Variants in DSCAM observed in about 807,000 individuals in gnomAD.
DSCAM encodes the protein cell adhesion molecule DSCAM.
In DSCAM, 47 loss-of-function variants were observed where a neutral mutation model predicts 217.7. That is an observed-to-expected ratio of 0.22 (90% CI 0.17 to 0.28). The LOEUF (loss-of-function observed/expected upper bound fraction) is 0.28. Among genes scored for constraint, DSCAM ranks in the 10% least tolerant of loss-of-function variants. DSCAM has a pLI of 1.00. For synonymous variants in DSCAM, 1,056 were observed against 1,015.3 expected, an observed-to-expected ratio of 1.04 and a Z score of -0.76; for missense variants, 2,080 against 2,618.3, an observed-to-expected ratio of 0.79 and a Z score of 4.49.
intron 18 of DSCAM, among the ~76,000 whole-genome samples, chr21:40,139,810 G>T (rs1568962349): frequency 7.3e-5 from 11 of 150,208 alleles, no homozygotes. Context: ...GTGTATGTGT[G>T]GTGTGTGTGT....
chr21:40,550,047 G>T (rs943987416), intron 3 of DSCAM, among the ~76,000 whole-genome samples: 1 of 152,118 alleles, frequency 6.6e-6, no homozygotes, highest in African/African-American at 2.4e-5. Flanking sequence ...CAAATGAAAA[G>T]AACCCTACCA....
chr21:40,803,985 G>T (rs768224513), intron 1 of DSCAM, among the ~76,000 whole-genome samples: 100 of 152,192 alleles, frequency 6.6e-4, no homozygotes, highest in Admixed American at 1.2e-3. Context: ...TTACTCTCAG[G>T]ACCCAGTCTT....
intron 1 of DSCAM, among the ~76,000 whole-genome samples, chr21:40,766,380 T>C (rs893058865): frequency 2.0e-5 from 3 of 152,182 alleles, no homozygotes; most frequent in African/African-American, 7.2e-5. Flanking sequence ...CTTAACAGGA[T>C]AGCTGATATA....
chr21:40,551,154 A>C (rs1355057148), intron 3 of DSCAM, among the ~76,000 whole-genome samples: 1 of 152,214 alleles, frequency 6.6e-6, no homozygotes, highest in African/African-American at 2.4e-5. Context: ...TCCTGAGTAC[A>C]TGAGCTGCAG....
At chr21:40,366,143 C>A (rs536031220) in intron 4 of DSCAM, among the ~76,000 whole-genome samples, 1 of 152,082 alleles carries the variant, frequency 6.6e-6, no homozygotes, top group South Asian at 2.1e-4. Context: ...TCCATTTTTC[C>A]AGGTAGGGTT....
intron 3 of DSCAM, among the ~76,000 whole-genome samples, chr21:40,589,909 T>C (rs573327187): frequency 2.6e-5 from 4 of 152,310 alleles, no homozygotes; most frequent in East Asian, 1.9e-4. Flanking sequence ...ACTGGCTCAC[T>C]TTTTTTAATC....
intron 11 of DSCAM, among the ~76,000 whole-genome samples, chr21:40,227,105 T>G (rs1240153033): frequency 6.6e-6 from 1 of 152,202 alleles, no homozygotes; most frequent in Non-Finnish European, 1.5e-5. Context: ...CTGCATAGTA[T>G]TTCATGATAT....
intron 3 of DSCAM, among the ~76,000 whole-genome samples, chr21:40,395,401 TG>T (rs1411156072): frequency 6.6e-6 from 1 of 151,944 alleles, no homozygotes; most frequent in Non-Finnish European, 1.5e-5. Context: ...AAATGACGCA[TG>T]TTTTTTTTCC....
intron 20 of DSCAM, among the ~76,000 whole-genome samples, chr21:40,119,708 A>G (rs2090010379): frequency 6.6e-6 from 1 of 151,862 alleles, no homozygotes; most frequent in East Asian, 1.9e-4. Flanking sequence ...TTTTAAAAGC[A>G]AATTGCTATC....
intron 1 of DSCAM, among the ~76,000 whole-genome samples, chr21:40,845,314 GT>G (rs1459982632): frequency 6.6e-6 from 1 of 151,958 alleles, no homozygotes; most frequent in Non-Finnish European, 1.5e-5. Flanking sequence ...CTTAGTCACC[GT>G]TTTTTTAAAA....
At chr21:40,580,802 A>G (rs948164202) in intron 3 of DSCAM, among the ~76,000 whole-genome samples, 3 of 152,198 alleles carry the variant, frequency 2.0e-5, no homozygotes, top group Non-Finnish European at 4.4e-5. Flanking sequence ...CTACATGACT[A>G]ACTAAAGAAA....
chr21:40,269,769 T>C (rs1477280896), intron 11 of DSCAM, among the ~76,000 whole-genome samples: 3 of 152,178 alleles, frequency 2.0e-5, no homozygotes, highest in Non-Finnish European at 4.4e-5. Flanking sequence ...GCACCCAGAT[T>C]GTCCCCTTTT....
chr21:40,366,683 A>G (rs2123691886), intron 4 of DSCAM, among the ~76,000 whole-genome samples: 1 of 152,206 alleles, frequency 6.6e-6, no homozygotes, highest in Non-Finnish European at 1.5e-5. Flanking sequence ...TCATTTTACA[A>G]TAAGATAGAG....
intron 3 of DSCAM, among the ~76,000 whole-genome samples, chr21:40,683,623 C>T (rs182206188): frequency 1.3e-5 from 2 of 152,100 alleles, no homozygotes; most frequent in Admixed American, 1.3e-4. Flanking sequence ...GGTCCTAGAA[C>T]GCCGGAGCAG....
chr21:40,044,348 A>G, intron 30 of DSCAM, 73 bp from the exon 31 acceptor site: 1 of 1,477,734 alleles, frequency 6.8e-7, no homozygotes. Context: ...CGTAGAGGTC[A>G]GTGCCACCCA....
Position 40,254,058 on chromosome 21 carries a change from G to A in DSCAM, c.2356+22039C>T, listed in dbSNP as rs902062179. Among the ~76,000 whole-genome samples the A allele has an allele frequency of 6.6e-5, 10 of 152,262 alleles. 1 individual carries two copies. The highest frequency in any genetic ancestry group is 6.2e-4 in the South Asian group (3 of 4,828). On this transcript the variant is annotated intron_variant, in intron 11 of 32. Transcript: ENST00000400454. ...CCCTTTAACTCATGGGATCTGATAC[G>A]AACTCCAGGTAATTAGTGCCTGAAT...
chr21:40,463,381 G>GCA (rs1174542016), intron 3 of DSCAM, among the ~76,000 whole-genome samples: 1 of 152,058 alleles, frequency 6.6e-6, no homozygotes, highest in Non-Finnish European at 1.5e-5. Flanking sequence ...CATCAGAAAT[G>GCA]CAAGCCTCAC....
chr21:40,083,415 T>C (rs896325871), intron 24 of DSCAM, among the ~76,000 whole-genome samples: 16 of 152,154 alleles, frequency 1.1e-4, no homozygotes, highest in Admixed American at 8.5e-4. Flanking sequence ...GGTGACAGAG[T>C]GAGACTCCAT....
chr21:40,121,941 T>G (rs1391758943), intron 20 of DSCAM, among the ~76,000 whole-genome samples: 1 of 152,104 alleles, frequency 6.6e-6, no homozygotes, highest in Non-Finnish European at 1.5e-5. Context: ...TCCTCCTGCC[T>G]TGGCTTCCCA....
Sources: allele counts gnomAD v4.1 joint callset (sites outside exome capture counted in the v4.1 genomes callset), GRCh38; gene constraint gnomAD v4.1.1; transcripts MANE v1.5; gene names NCBI Gene and HGNC (gene_info 2026-07-23, HGNC 2026-07-21).